RNF111: variants seen among roughly 807,000 people sequenced by gnomAD.
RNF111 encodes E3 ubiquitin-protein ligase Arkadia.
RNF111 carries 17 observed loss-of-function variants against 95.1 expected under a neutral mutation model. The ratio of observed to expected loss-of-function variants is 0.18; its 90% CI spans 0.12 to 0.27. The LOEUF is 0.27. RNF111 is among the 10% of genes least tolerant of loss of function. The pLI, the probability that RNF111 is intolerant of heterozygous loss-of-function variation, is 1.00. For missense variants in RNF111, 1,189 were observed against 1,210.4 expected, an observed-to-expected ratio of 0.98 and a Z score of 0.26; for synonymous variants, 440 against 414.8, an observed-to-expected ratio of 1.06 and a Z score of -0.74.
rs533571645 is a variant in RNF111 at position 59,058,893 on chromosome 15, A to G, written c.1366+343A>G. Among the ~76,000 whole-genome samples the G allele has an allele frequency of 2.0e-4, 30 of 152,306 alleles. No individual in the cohort carries two copies. In the South Asian group the frequency reaches 6.2e-3, roughly 32 times the overall value. On this transcript the variant is annotated intron_variant, in intron 5 of 13. Coordinates refer to ENST00000348370, the MANE Select transcript of RNF111 (RefSeq NM_017610.8). ...TTAAAGGATATTATCAAGACAGTGA[A>G]AGACAGCCTACAGAATGGGGGGAAG...
At chr15:59,002,159 A>G (rs1235555785) in intron 1 of RNF111, among the ~76,000 whole-genome samples, 1 of 152,226 alleles carries the variant, frequency 6.6e-6, no homozygotes, top group African/African-American at 2.4e-5. Context: ...CTGAAACCGT[A>G]GACAGTAAAT....
intron 1 of RNF111, among the ~76,000 whole-genome samples, chr15:59,011,287 A>G (rs1337024396): frequency 1.3e-5 from 2 of 152,204 alleles, no homozygotes; most frequent in African/African-American, 4.8e-5. Context: ...GCATACCTCT[A>G]TCATAACACT....
In RNF111 at chr15:59,058,400, G is replaced by T; in HGVS notation, c.1216G>T (p.Ala406Ser). 6.2e-7 allele frequency: 1 copy of T among 1,614,058 alleles called. No homozygotes were observed. The highest frequency in any genetic ancestry group is 1.1e-5 in the South Asian group (1 of 91,084). Reference protein sequence around the residue: ...PTTSARMESQATSASINNSNP... With the variant: ...PTTSARMESQSTSASINNSNP... ...CACTTCTGCAAGAATGGAATCACAAGCTACTAGCGCTTCCATTAACAATTC... is the reference window on the plus strand; with the variant it reads ...CACTTCTGCAAGAATGGAATCACAATCTACTAGCGCTTCCATTAACAATTC... The change falls in exon 5 of 14, where the codon GCT becomes TCT. Residue 406 changes from alanine to serine, a missense_variant. By Grantham distance (99) the Ala-to-Ser change is moderately conservative. Around this residue, in one of 2 missense-constraint regions of RNF111, gnomAD observed 1,024 missense variants for 925.9 expected, o/e 1.11. Transcript: ENST00000348370.
intron 12 of RNF111, among the ~76,000 whole-genome samples, chr15:59,092,030 CTTTATACTATGT>C (rs1444741632): frequency 6.6e-6 from 1 of 152,172 alleles, no homozygotes; most frequent in African/African-American, 2.4e-5. Flanking sequence ...TTGGAGACTC[CTTTATACTATGT>C]AAAGAATAAT....
At chr15:59,053,018 G>A (rs1315077927) in intron 3 of RNF111, among the ~76,000 whole-genome samples, 4 of 151,994 alleles carry the variant, frequency 2.6e-5, no homozygotes, top group African/African-American at 9.7e-5. Context: ...AAATATTAAG[G>A]GGTATTGATG....
At position 59,084,222 on chromosome 15, in the gene RNF111, A is replaced by T. The variant is rs376766435; in HGVS notation, c.2391A>T (p.Ser797=). Residue 797 remains serine (S), a synonymous_variant, in exon 9 of 14, where the codon TCA becomes TCT. Coordinates refer to ENST00000348370, the MANE Select transcript of RNF111 (RefSeq NM_017610.8). The stretch of plus-strand genomic sequence containing the variant: ...TTCATGTGCCTCAGACTATGTCCTC[A>T]CATCCTCGACAGGCTCCAGAGAGGT... The part of the protein sequence containing the change: ...HHIHVPQTMS[S]HPRQAPERSA... 1 of 1,595,730 alleles carries T rather than the reference A, an allele frequency of 6.3e-7. No individual in the cohort carries two copies. The highest frequency in any genetic ancestry group is 8.5e-7 in the Non-Finnish European group (1 of 1,171,356).
chr15:59,074,826 C>T (rs779893709), intron 6 of RNF111, among the ~76,000 whole-genome samples: 43 of 152,160 alleles, frequency 2.8e-4, no homozygotes, highest in Non-Finnish European at 4.9e-4. Flanking sequence ...ACATGCCTTC[C>T]TCACTAAGCT....
At chr15:59,025,595 T>C (rs1234177799) in intron 1 of RNF111, among the ~76,000 whole-genome samples, 2 of 152,202 alleles carry the variant, frequency 1.3e-5, no homozygotes, top group Admixed American at 6.5e-5. Context: ...CCAAGTGATA[T>C]CCCTGTAGTA....
intron 8 of RNF111, among the ~76,000 whole-genome samples, chr15:59,083,665 G>A (rs1367583283): frequency 1.3e-5 from 2 of 151,988 alleles, no homozygotes; most frequent in African/African-American, 2.4e-5. Flanking sequence ...CCATTAAAAT[G>A]GTTGAATGTC....
chr15:59,016,010 C>A (rs1474291331), intron 1 of RNF111, among the ~76,000 whole-genome samples: 1 of 151,782 alleles, frequency 6.6e-6, no homozygotes, highest in Non-Finnish European at 1.5e-5. Flanking sequence ...CCCACCACAC[C>A]TAGATAACTT....
chr15:59,012,093 A>G (rs1443747345), intron 1 of RNF111, among the ~76,000 whole-genome samples: 1 of 126,668 alleles, frequency 7.9e-6, no homozygotes, highest in African/African-American at 3.0e-5. Flanking sequence ...ATCTTGCGTC[A>G]CTGTAACCTC....
At chr15:59,090,581 G>C (rs1388145858) in intron 11 of RNF111, among the ~76,000 whole-genome samples, 3 of 152,138 alleles carry the variant, frequency 2.0e-5, no homozygotes, top group Non-Finnish European at 4.4e-5. Flanking sequence ...TTGTGACTTA[G>C]AACTATTGTT....
chr15:58,988,274 A>T (rs987943917), intron 1 of RNF111: 1 of 152,240 alleles, frequency 6.6e-6, no homozygotes, highest in Non-Finnish European at 1.5e-5. Context: ...TCGTCTACCG[A>T]CACACCCACA....
chr15:59,003,524 C>T (rs575292277), intron 1 of RNF111, among the ~76,000 whole-genome samples: 13 of 152,206 alleles, frequency 8.5e-5, no homozygotes, highest in African/African-American at 2.9e-4. Flanking sequence ...TCAGCCTCTC[C>T]AGTAGCTGGG....
At chr15:59,038,262 C>T (rs994792368) in intron 2 of RNF111, among the ~76,000 whole-genome samples, 5 of 152,122 alleles carry the variant, frequency 3.3e-5, no homozygotes, top group Non-Finnish European at 7.4e-5. Flanking sequence ...AACTTTGTCT[C>T]AAACTACAAA....
At chr15:59,049,128 T>C (rs185242253) in intron 2 of RNF111, among the ~76,000 whole-genome samples, 1 of 152,242 alleles carries the variant, frequency 6.6e-6, no homozygotes, top group East Asian at 1.9e-4. Context: ...GAAACAGATC[T>C]CCAGAACTTT....
At chr15:59,092,707 A>T in intron 13 of RNF111, 67 bp downstream of exon 13, 1 of 1,440,094 alleles carries the variant, frequency 6.9e-7, no homozygotes, top group Non-Finnish European at 9.4e-7. Flanking sequence ...TTGAAAAGTA[A>T]ATTACACCGG....
At position 59,031,049 on chromosome 15, in the gene RNF111, A is replaced by C. The variant is rs1357418222; in HGVS notation, c.227A>C (p.Lys76Thr). Residue 76 changes from lysine to threonine, a missense_variant, in exon 2 of 14, where the codon AAG (lysine) becomes ACG (threonine). Coordinates refer to ENST00000348370, the MANE Select transcript of RNF111 (RefSeq NM_017610.8). Reference protein sequence around the residue: ...HLCDDSQKQEKEMNGNQQEQE... With the variant: ...HLCDDSQKQETEMNGNQQEQE... ...TGTGATGATTCTCAAAAGCAAGAGAAGGAAATGAATGGTAACCAGCAAGAA... is the reference window on the plus strand; with the variant it reads ...TGTGATGATTCTCAAAAGCAAGAGACGGAAATGAATGGTAACCAGCAAGAA... The C allele has an allele frequency of 6.2e-7, 1 of 1,614,162 alleles. No homozygotes were observed. The highest frequency in any genetic ancestry group is 8.5e-7 in the Non-Finnish European group (1 of 1,180,066).
intron 6 of RNF111, 28 bp downstream of exon 6, chr15:59,067,111 T>C (rs771456437): frequency 1.3e-6 from 2 of 1,569,138 alleles, no homozygotes; most frequent in Non-Finnish European, 8.7e-7. Context: ...CAGTCTTTCT[T>C]TCCTGCCCCT....
Sources: gnomAD v4.1 joint callset for allele counts (sites outside exome capture counted in the v4.1 genomes callset) on GRCh38, gnomAD v4.1.1 for gene constraint, gnomAD v4.1.1 regional missense constraint, MANE v1.5 for transcripts, NCBI Gene and HGNC (gene_info 2026-07-23, HGNC 2026-07-21) for gene names.